The following ILDR1 variants were observed in gnomAD, a reference collection of about 807,000 sequenced individuals.
ILDR1 encodes immunoglobulin-like domain-containing receptor 1.
ILDR1 carries 56 observed loss-of-function variants against 62.4 expected under a neutral mutation model. The observed-to-expected ratio is 0.90, with a 90% CI of 0.72 to 1.12. The LOEUF (loss-of-function observed/expected upper bound fraction) is 1.12, where lower values mean the gene tolerates loss of function less well. Ranked by LOEUF, ILDR1 falls within the 50% of genes most tolerant of loss-of-function variation. The pLI is 0.00. For missense variants in ILDR1, 736 were observed against 710.6 expected (o/e 1.04, Z -0.41); for synonymous variants, 284 against 277.8 (o/e 1.02, Z -0.22).
chr3:122,059,517 C>G, the ILDR1 span, among the ~76,000 whole-genome samples: 1 of 141,310 alleles, frequency 7.1e-6, no homozygotes, highest in African/African-American at 2.6e-5. Flanking sequence ...GCCTGGGTGA[C>G]AGAGTGAGAC....
intron 3 of ILDR1, 105 bp from the exon 4 acceptor site, chr3:122,001,969 A>G: frequency 7.5e-7 from 1 of 1,325,598 alleles, no homozygotes; most frequent in Non-Finnish European, 1.1e-6. Flanking sequence ...CCTTGTATTT[A>G]CAAAAAATAA....
chr3:122,029,323 A>G, the ILDR1 span, among the ~76,000 whole-genome samples: 1 of 152,042 alleles, frequency 6.6e-6, no homozygotes, highest in Admixed American at 6.6e-5. Flanking sequence ...CCTGGCCAAC[A>G]TGGTGAAACC....
chr3:122,049,380 T>C, the ILDR1 span, among the ~76,000 whole-genome samples: 8 of 152,242 alleles, frequency 5.3e-5, no homozygotes, highest in Non-Finnish European at 1.2e-4. Context: ...TGTGTATGTT[T>C]ATCAGGTCCA....
intron 7 of ILDR1, among the ~76,000 whole-genome samples, chr3:121,991,336 T>C (rs570555340): frequency 2.2e-4 from 34 of 152,326 alleles, no homozygotes; most frequent in South Asian, 6.2e-4. Context: ...AAGAAAATAA[T>C]TTAACTTAGA....
rs753446286 is a variant in ILDR1, at chr3:121,993,959, G to T, written c.790C>A (p.Pro264Thr). 4 of 1,609,706 alleles carry T rather than the reference G, an allele frequency of 2.5e-6. No individual in the cohort carries two copies. The highest frequency in any genetic ancestry group is 2.2e-5 in the South Asian group (2 of 91,066). ...HPLLQRDLSLPSSLPQMPMTQ... is the reference protein window; with the variant it reads ...HPLLQRDLSLTSSLPQMPMTQ... ...ATTGGCATCTGCGGGAGGCTGGACG[G>T]CAGGGACAAATCTGAATGGAAACAA... is the stretch of plus-strand genomic sequence containing the variant. The change falls in exon 7 of 8, where the codon CCG (proline) becomes ACG (threonine). Residue 264 changes from proline to threonine, a missense_variant. By Grantham distance (38) the Pro-to-Thr change is conservative. Transcript: ENST00000344209.
At chr3:122,050,010 T>A in the ILDR1 span, among the ~76,000 whole-genome samples, 1 of 152,234 alleles carries the variant, frequency 6.6e-6, no homozygotes, top group East Asian at 1.9e-4. Flanking sequence ...AATTACCCAG[T>A]TTCAGATATT....
chr3:122,059,300 T>C, the ILDR1 span, among the ~76,000 whole-genome samples: 1 of 152,016 alleles, frequency 6.6e-6, no homozygotes, highest in Non-Finnish European at 1.5e-5. Flanking sequence ...TGGAAAACCT[T>C]GACATCTAAG....
At chr3:122,022,250 C>T (rs2071870687), upstream of ILDR1, 1 of 553,658 alleles carries the variant, frequency 1.8e-6, no homozygotes, top group African/African-American at 2.0e-5. Flanking sequence ...TGCCGCCCGG[C>T]TCGTCCCCAC....
chr3:122,045,561 T>C, the ILDR1 span, among the ~76,000 whole-genome samples: 1 of 149,470 alleles, frequency 6.7e-6, no homozygotes, highest in Non-Finnish European at 1.5e-5. Flanking sequence ...CTAAGTCTCT[T>C]TGTAGGTCAC....
chr3:122,028,960 G>A, the ILDR1 span, among the ~76,000 whole-genome samples: 5 of 152,118 alleles, frequency 3.3e-5, no homozygotes, highest in African/African-American at 7.2e-5. Flanking sequence ...ATTGCAAAGC[G>A]ATTTGTGCAA....
chr3:121,994,213 T>C lies in ILDR1; in HGVS notation c.747A>G (p.Ser249=). The change falls in exon 6 of 8, where the codon TCA becomes TCG. Residue 249 remains serine, a synonymous_variant. Coordinates refer to ENST00000344209, the MANE Select transcript of ILDR1 (RefSeq NM_001199799.2). ...GCAGCAGCGGGTGCATTGGATAAGA[T>C]GAAACCTGGGAGCTCCTGTCCGCCC... ...YWGADRSSQV[S]SYPMHPLLQR... 2 of 1,536,082 alleles carry C rather than the reference T, an allele frequency of 1.3e-6. No individual in the cohort carries two copies. The highest frequency in any genetic ancestry group is 2.4e-5 in the East Asian group (1 of 40,910).
At chr3:122,022,268 G>C (rs1048359262), upstream of ILDR1, 8 of 477,132 alleles carry the variant, frequency 1.7e-5, no homozygotes, top group Non-Finnish European at 2.6e-5. Flanking sequence ...CACCTGCGGC[G>C]CTCCCCACGG....
intron 5 of ILDR1, among the ~76,000 whole-genome samples, chr3:121,996,534 G>A (rs1576718325): frequency 6.6e-6 from 1 of 152,286 alleles, no homozygotes; most frequent in Non-Finnish European, 1.5e-5. Flanking sequence ...AGGGGTATCT[G>A]TTGCTCACCT....
intron 7 of ILDR1, among the ~76,000 whole-genome samples, chr3:121,992,164 T>C (rs1029276564): frequency 2.6e-5 from 4 of 152,136 alleles, no homozygotes; most frequent in Non-Finnish European, 4.4e-5. Flanking sequence ...GAGACAGAGT[T>C]TTGCTCTTGT....
At chr3:122,033,937 T>C in the ILDR1 span, among the ~76,000 whole-genome samples, 1 of 152,184 alleles carries the variant, frequency 6.6e-6, no homozygotes, top group South Asian at 2.1e-4. Flanking sequence ...TCATTTTTCT[T>C]CTTTAAGAAT....
intron 3 of ILDR1, among the ~76,000 whole-genome samples, chr3:122,002,640 CA>C (rs2071545549): frequency 6.6e-6 from 1 of 151,588 alleles, no homozygotes; most frequent in African/African-American, 2.4e-5. Flanking sequence ...ATTTTAAGGT[CA>C]GGGGTATATG....
chr3:122,049,429 T>C, the ILDR1 span, among the ~76,000 whole-genome samples: 1 of 152,234 alleles, frequency 6.6e-6, no homozygotes, highest in Non-Finnish European at 1.5e-5. Flanking sequence ...TGTTAACTAA[T>C]TGATCTTTTG....
At chr3:122,010,776 C>T (rs1272626569) in intron 1 of ILDR1, among the ~76,000 whole-genome samples, 1 of 152,218 alleles carries the variant, frequency 6.6e-6, no homozygotes, top group Non-Finnish European at 1.5e-5. Flanking sequence ...CCATAACACA[C>T]ATACCGATGA....
chr3:121,995,822 G>A (rs1412183664), intron 5 of ILDR1, among the ~76,000 whole-genome samples: 2 of 152,124 alleles, frequency 1.3e-5, no homozygotes, highest in African/African-American at 2.4e-5. Context: ...ATCTCTTCAC[G>A]TGGGAATCCA....
Sources: allele counts gnomAD v4.1 joint callset (sites outside exome capture counted in the v4.1 genomes callset), GRCh38; gene constraint gnomAD v4.1.1; transcripts MANE v1.5; gene names NCBI Gene and HGNC (gene_info 2026-07-23, HGNC 2026-07-21).